Variants in MLLT10 observed in about 807,000 individuals in gnomAD.
MLLT10 encodes the protein protein AF-10.
A neutral mutation model predicts 129.1 loss-of-function variants in MLLT10; 30 were observed. That is an observed-to-expected ratio of 0.23 (90% CI 0.17 to 0.32). The LOEUF is 0.32. Among genes scored for constraint, MLLT10 ranks in the 10% least tolerant of loss-of-function variants. MLLT10 has a pLI of 1.00. For synonymous variants in MLLT10, 490 were observed against 446.4 expected (o/e 1.10, Z -1.23); for missense variants, 1,119 against 1,268.3 (o/e 0.88, Z 1.79).
At chr10:21,580,992 G>A (rs2041378944) in intron 3 of MLLT10, among the ~76,000 whole-genome samples, 2 of 150,668 alleles carry the variant, frequency 1.3e-5, no homozygotes, top group South Asian at 2.1e-4. Context: ...AATTACAGGC[G>A]TGAGACACTG....
chr10:21,742,040 G>C lies in MLLT10; in HGVS notation c.*57G>C, dbSNP rs1483047381. ...TGCTGTTCTAGCACTTCATCTGGCT[G>C]CCTTTGCAGTCCTTTTACTACAGCT... On this transcript the variant is annotated 3_prime_UTR_variant, in exon 23 of 23. Transcript: ENST00000307729. 25 of 1,528,424 alleles carry C rather than the reference G, an allele frequency of 1.6e-5. No homozygotes were observed. Among genetic ancestry groups the C allele is most frequent in the African/African-American group, 8.3e-5 (6 of 72,660 alleles). 94.7% of individuals were successfully genotyped at this position (1,528,424 alleles called of 1,614,324 possible).
intron 5 of MLLT10, among the ~76,000 whole-genome samples, chr10:21,611,995 G>T (rs2044703536): frequency 6.6e-6 from 1 of 152,158 alleles, no homozygotes. Context: ...TTACACCCTT[G>T]TTACAGGAAT....
At chr10:21,685,092 A>G (rs912648008) in intron 13 of MLLT10, among the ~76,000 whole-genome samples, 2 of 149,440 alleles carry the variant, frequency 1.3e-5, no homozygotes, top group Admixed American at 6.6e-5. Flanking sequence ...ATTGATTTCT[A>G]CTCTTTCTCT....
chr10:21,675,261 A>G (rs1206184254), intron 11 of MLLT10, among the ~76,000 whole-genome samples: 1 of 152,202 alleles, frequency 6.6e-6, no homozygotes, highest in Non-Finnish European at 1.5e-5. Context: ...AGCAGGATTT[A>G]TCAATCTTAG....
At chr10:21,540,487 T>C (rs1210443990) in intron 3 of MLLT10, among the ~76,000 whole-genome samples, 1 of 151,674 alleles carries the variant, frequency 6.6e-6, no homozygotes, top group Non-Finnish European at 1.5e-5. Context: ...ACCTGGGAGG[T>C]TGAGGCTGCA....
intron 2 of MLLT10, 126 bp downstream of exon 2, chr10:21,534,930 C>T (rs908834376): frequency 2.0e-6 from 1 of 512,230 alleles, no homozygotes; most frequent in Admixed American, 6.4e-5. Context: ...GCGGAGGGTC[C>T]GCGGCGGGGC....
chr10:21,570,950 A>G (rs2040134725), intron 3 of MLLT10, among the ~76,000 whole-genome samples: 1 of 151,962 alleles, frequency 6.6e-6, no homozygotes, highest in South Asian at 2.1e-4. Context: ...TTTGCCTTTT[A>G]CAAATATTTG....
chr10:21,621,224 G>A (rs2045809978), intron 8 of MLLT10, among the ~76,000 whole-genome samples: 1 of 133,810 alleles, frequency 7.5e-6, no homozygotes, highest in African/African-American at 2.9e-5. Flanking sequence ...TCGATCTCCT[G>A]ACCTCGTGAT....
chr10:21,543,002 A>C (rs974624771), intron 3 of MLLT10, among the ~76,000 whole-genome samples: 2 of 151,316 alleles, frequency 1.3e-5, no homozygotes, highest in African/African-American at 4.9e-5. Flanking sequence ...TGTGTTGCCC[A>C]GGCTGGAGTG....
chr10:21,584,771 A>G (rs1250717795), intron 3 of MLLT10, among the ~76,000 whole-genome samples: 7 of 151,498 alleles, frequency 4.6e-5, no homozygotes, highest in Non-Finnish European at 5.9e-5. Context: ...TATATAAAGT[A>G]TGTGTGTATG....
intron 13 of MLLT10, 33 bp from the exon 14 acceptor site, chr10:21,713,737 TAA>T: frequency 6.3e-7 from 1 of 1,578,746 alleles, no homozygotes; most frequent in Non-Finnish European, 8.6e-7. Context: ...ATTTGACTGC[TAA>T]GTTATATTTA....
intron 9 of MLLT10, chr10:21,668,864 C>T: frequency 3.6e-6 from 4 of 1,118,254 alleles, no homozygotes; most frequent in Non-Finnish European, 4.4e-6. Flanking sequence ...AGCAAAAATA[C>T]ATGAGTGAAG....
intron 22 of MLLT10, 21 bp from the exon 23 acceptor site, chr10:21,741,918 T>G (rs1833714855): frequency 6.2e-7 from 1 of 1,607,608 alleles, no homozygotes; most frequent in Non-Finnish European, 8.5e-7. Flanking sequence ...CTAACGCATC[T>G]GCTCTTTTGT....
chr10:21,614,106 T>TGGTGTAC (rs2044974251), intron 6 of MLLT10, among the ~76,000 whole-genome samples: 1 of 149,758 alleles, frequency 6.7e-6, no homozygotes, highest in African/African-American at 2.5e-5. Flanking sequence ...TAGTCCCAGC[T>TGGTGTAC]ATTTGGGAGG....
chr10:21,595,656 T>G (rs1431645652), intron 5 of MLLT10: 3 of 435,266 alleles, frequency 6.9e-6, no homozygotes, highest in Non-Finnish European at 1.2e-5. Context: ...TATAGTAACC[T>G]AGGTATTTAG....
At chr10:21,651,898 CATTT>C in intron 9 of MLLT10, 130 bp downstream of exon 9, 2 of 210,614 alleles carry the variant, frequency 9.5e-6, no homozygotes, top group Non-Finnish European at 9.1e-6. Flanking sequence ...TTAGAATTCT[CATTT>C]CTTTTTTTTT....
chr10:21,653,721 G>A (rs967948160), intron 9 of MLLT10, among the ~76,000 whole-genome samples: 8 of 152,208 alleles, frequency 5.3e-5, no homozygotes, highest in Non-Finnish European at 1.0e-4. Flanking sequence ...CCACAGATAC[G>A]TTGGCGTTGA....
At chr10:21,671,322 T>C (rs1402572419) in intron 10 of MLLT10, among the ~76,000 whole-genome samples, 1 of 152,186 alleles carries the variant, frequency 6.6e-6, no homozygotes, top group East Asian at 1.9e-4. Flanking sequence ...TGGTGTCTTT[T>C]CCATAAATGT....
At chr10:21,628,279 A>C (rs2046651524) in intron 8 of MLLT10, among the ~76,000 whole-genome samples, 2 of 152,138 alleles carry the variant, frequency 1.3e-5, no homozygotes, top group Non-Finnish European at 2.9e-5. Context: ...ATTTACCCTG[A>C]AATATATTGG....
Sources: allele counts gnomAD v4.1 joint callset (sites outside exome capture counted in the v4.1 genomes callset), GRCh38; gene constraint gnomAD v4.1.1; transcripts MANE v1.5; gene names NCBI Gene and HGNC (gene_info 2026-07-23, HGNC 2026-07-21).